SUSD4: variants seen among roughly 807,000 people sequenced by gnomAD.
The protein encoded by SUSD4 is sushi domain containing 4.
Under a neutral mutation model 50.5 loss-of-function variants are expected in SUSD4, and 41 were observed. The observed-to-expected ratio is 0.81, with a 90% confidence interval of 0.63 to 1.05. SUSD4 has a LOEUF of 1.05. SUSD4 is among the 50% of genes least tolerant of loss of function. The pLI is 0.00. For missense variants in SUSD4, 580 were observed against 634.7 expected, an observed-to-expected ratio of 0.91 and a Z score of 0.93; for synonymous variants, 257 against 257.3, an observed-to-expected ratio of 1.00 and a Z score of 0.01.
intron 5 of SUSD4, among the ~76,000 whole-genome samples, chr1:223,257,112 G>A (rs986445813): frequency 1.3e-5 from 2 of 152,174 alleles, no homozygotes; most frequent in Non-Finnish European, 2.9e-5. Flanking sequence ...AGCATGTGCC[G>A]GGGCTAGGAG....
chr1:223,351,568 T>G (rs1258875514), intron 2 of SUSD4, among the ~76,000 whole-genome samples: 1 of 152,042 alleles, frequency 6.6e-6, no homozygotes, highest in East Asian at 1.9e-4. Context: ...CAGGAGGTTG[T>G]GGCAGTGAGA....
chr1:223,313,217 A>T (rs1665982115), intron 2 of SUSD4, among the ~76,000 whole-genome samples: 1 of 152,124 alleles, frequency 6.6e-6, no homozygotes, highest in African/African-American at 2.4e-5. Context: ...GAGTCACATG[A>T]TCTCAGTCTG....
chr1:223,330,509 C>T (rs901818241), intron 2 of SUSD4, among the ~76,000 whole-genome samples: 10 of 152,200 alleles, frequency 6.6e-5, no homozygotes, highest in South Asian at 6.2e-4. Context: ...AAACAACAAA[C>T]GAGAAAATAA....
intron 2 of SUSD4, among the ~76,000 whole-genome samples, chr1:223,296,708 T>C (rs1184352887): frequency 6.6e-6 from 1 of 152,152 alleles, no homozygotes; most frequent in Non-Finnish European, 1.5e-5. Flanking sequence ...AGGAGGTAAT[T>C]GAATTATGGG....
At chr1:223,307,650 G>A (rs1665624171) in intron 2 of SUSD4, among the ~76,000 whole-genome samples, 1 of 152,198 alleles carries the variant, frequency 6.6e-6, no homozygotes, top group Non-Finnish European at 1.5e-5. Context: ...AAGACACTAT[G>A]TGAAACAGAA....
chr1:223,255,802 A>C (rs1189215650), intron 5 of SUSD4, among the ~76,000 whole-genome samples: 1 of 152,196 alleles, frequency 6.6e-6, no homozygotes, highest in Non-Finnish European at 1.5e-5. Context: ...ATTAAATTTT[A>C]TGCTGGGTCC....
chr1:223,364,450 C>T (rs1018876726), upstream of SUSD4, among the ~76,000 whole-genome samples: 2 of 147,920 alleles, frequency 1.4e-5, no homozygotes, highest in African/African-American at 4.9e-5. The surrounding 1 kb of genome is among the most constrained non-coding windows in gnomAD (Gnocchi z 4.5). Context: ...GCGGCGTGGC[C>T]GGAGACTGGC....
chr1:223,280,784 A>C (rs1314444907), intron 3 of SUSD4, among the ~76,000 whole-genome samples: 1 of 152,220 alleles, frequency 6.6e-6, no homozygotes, highest in African/African-American at 2.4e-5. Flanking sequence ...CAGAATATAC[A>C]TTCTTTTCAG....
intron 2 of SUSD4, among the ~76,000 whole-genome samples, chr1:223,331,577 G>A (rs1210724631): frequency 3.9e-5 from 6 of 152,164 alleles, no homozygotes; most frequent in African/African-American, 1.4e-4. Context: ...AAAGCCCTTG[G>A]TTGATCTCCG....
intron 3 of SUSD4, 49 bp downstream of exon 3, chr1:223,292,390 T>C: frequency 6.2e-7 from 1 of 1,605,714 alleles, no homozygotes; most frequent in Non-Finnish European, 8.5e-7. Context: ...CCTGTGGCCA[T>C]GCAACTTGAA....
At chr1:223,306,185 C>T (rs1338193203) in intron 2 of SUSD4, among the ~76,000 whole-genome samples, 1 of 152,134 alleles carries the variant, frequency 6.6e-6, no homozygotes, top group Admixed American at 6.5e-5. Flanking sequence ...TTCCTAAATC[C>T]TTTCACTCAG....
At chr1:223,341,365 C>T (rs955975694) in intron 2 of SUSD4, among the ~76,000 whole-genome samples, 1 of 152,230 alleles carries the variant, frequency 6.6e-6, no homozygotes, top group East Asian at 1.9e-4. Flanking sequence ...TTAAAAATAG[C>T]AAAGCCACGG....
intron 2 of SUSD4, among the ~76,000 whole-genome samples, chr1:223,339,900 T>A (rs1357653404): frequency 6.6e-6 from 1 of 152,202 alleles, no homozygotes; most frequent in East Asian, 1.9e-4. Flanking sequence ...TCCAACAGTC[T>A]GAAAGGCAGA....
At chr1:223,275,705 T>C (rs1188265913) in intron 3 of SUSD4, among the ~76,000 whole-genome samples, 1 of 152,022 alleles carries the variant, frequency 6.6e-6, no homozygotes, top group African/African-American at 2.4e-5. Flanking sequence ...TTTTTATGGC[T>C]CCCAGCCCCC....
At chr1:223,259,717 G>A (rs964314110) in intron 5 of SUSD4, among the ~76,000 whole-genome samples, 8 of 152,162 alleles carry the variant, frequency 5.3e-5, no homozygotes, top group African/African-American at 1.9e-4. Context: ...AGTGTCTTGG[G>A]GATTCTGGGC....
At chr1:223,300,163 C>T (rs1226809183) in intron 2 of SUSD4, among the ~76,000 whole-genome samples, 1 of 152,078 alleles carries the variant, frequency 6.6e-6, no homozygotes, top group South Asian at 2.1e-4. Context: ...GCCTGCAGTA[C>T]CCCCTGGGGC....
intron 3 of SUSD4, among the ~76,000 whole-genome samples, chr1:223,274,236 G>A (rs961617615): frequency 3.3e-5 from 5 of 152,186 alleles, no homozygotes; most frequent in Admixed American, 6.5e-5. Context: ...TGAAGAAGCT[G>A]AATGAAACCA....
intron 5 of SUSD4, among the ~76,000 whole-genome samples, chr1:223,245,077 C>A (rs1660828057): frequency 6.6e-6 from 1 of 152,040 alleles, no homozygotes; most frequent in Non-Finnish European, 1.5e-5. Context: ...AAATCCATGA[C>A]AAATAAATAG....
In SUSD4 at chr1:223,298,934, C is replaced by T. The variant is rs1274200228; in HGVS notation, c.149-6283G>A. Among the ~76,000 whole-genome samples the T allele has an allele frequency of 2.0e-5, 3 of 152,114 alleles. No individual in the cohort carries two copies. The East Asian group carries it at 5.8e-4, about 29-fold the overall frequency. On this transcript the variant is annotated intron_variant, in intron 2 of 8. Transcript: ENST00000366878. Reference sequence around the variant, plus strand: ...CAGCATTGAGGATCAGGAATGCTGCCGGCCATGGGCTCCAGCCGTCGGCAC... The same window carrying T: ...CAGCATTGAGGATCAGGAATGCTGCTGGCCATGGGCTCCAGCCGTCGGCAC...
Sources: gnomAD v4.1 joint callset for allele counts (sites outside exome capture counted in the v4.1 genomes callset) on GRCh38, gnomAD v4.1.1 for gene constraint, Gnocchi (gnomAD v3.1) non-coding constraint, MANE v1.5 for transcripts, NCBI Gene and HGNC (gene_info 2026-07-23, HGNC 2026-07-21) for gene names.